The following PPP2R2C variants were observed in gnomAD, a reference collection of about 807,000 sequenced individuals.
PPP2R2C encodes the protein protein phosphatase 2 regulatory subunit Bgamma, also known as protein phosphatase 2, regulatory subunit B, gamma.
A neutral mutation model predicts 45.3 loss-of-function variants in PPP2R2C; 10 were observed. That is an observed-to-expected ratio of 0.22 (90% confidence interval 0.14 to 0.37). The LOEUF is 0.37. Ranked by LOEUF, PPP2R2C falls within the 10% of genes least tolerant of loss-of-function variation. The pLI, the probability that PPP2R2C is intolerant of heterozygous loss-of-function variation, is 1.00. For synonymous variants in PPP2R2C, 257 were observed against 245.4 expected (o/e 1.05, Z -0.44); for missense variants, 308 against 619.7 (o/e 0.50, Z 5.34).
Position 6,351,398 on chromosome 4 carries a change from A to G in PPP2R2C, c.626-3388T>C, listed in dbSNP as rs1712539138. 4.1e-6 allele frequency: 4 copies of G among 983,624 alleles called. No individual in the cohort carries two copies. The South Asian group carries it at 1.9e-4, about 46-fold the overall frequency. The allele number at this position is 983,624 out of a possible 1,614,324, so 60.9% of individuals were successfully genotyped here. A position where few individuals can be genotyped will look rare whatever the true frequency, so the allele number is the denominator to read the frequency against. The stretch of plus-strand genomic sequence containing the variant: ...TGTAGCCCTGTGGCAAACACACCCG[A>G]GCCACGGCAACCCAGGGCCGGCTGA... On this transcript the variant is annotated intron_variant, in intron 5 of 8. Coordinates refer to ENST00000382599, the MANE Select transcript of PPP2R2C (RefSeq NM_020416.4).
intron 5 of PPP2R2C, chr4:6,350,956 G>C (rs1712494915): frequency 1.0e-6 from 1 of 985,258 alleles, no homozygotes; most frequent in South Asian, 4.7e-5. Context: ...GACAGGTTCA[G>C]TGTCCACCCA....
chr4:6,358,777 A>T (rs1173281125), intron 5 of PPP2R2C, among the ~76,000 whole-genome samples: 1 of 152,242 alleles, frequency 6.6e-6, no homozygotes, highest in Non-Finnish European at 1.5e-5. Flanking sequence ...GAGAAATGCA[A>T]ATCAAAACCA....
At chr4:6,468,691 G>C (rs553560773) in intron 1 of PPP2R2C, among the ~76,000 whole-genome samples, 1 of 152,296 alleles carries the variant, frequency 6.6e-6, no homozygotes, top group African/African-American at 2.4e-5. Context: ...GCCCAGGGCA[G>C]GATGTGCTTG....
chr4:6,439,999 G>A (rs762947302), intron 1 of PPP2R2C, among the ~76,000 whole-genome samples: 4 of 152,156 alleles, frequency 2.6e-5, no homozygotes, highest in Non-Finnish European at 4.4e-5. Flanking sequence ...TCAAGGAACA[G>A]CTCCCCTGGG....
intron 5 of PPP2R2C, among the ~76,000 whole-genome samples, chr4:6,355,891 G>A (rs1409865635): frequency 6.6e-6 from 1 of 151,452 alleles, no homozygotes; most frequent in African/African-American, 2.4e-5. Context: ...CTACTCAGGA[G>A]GCTGAGGCAG....
chr4:6,549,255 G>A (rs951212873), intron 1 of PPP2R2C, among the ~76,000 whole-genome samples: 3 of 152,068 alleles, frequency 2.0e-5, no homozygotes, highest in Non-Finnish European at 4.4e-5. Context: ...GGACCACGTC[G>A]TTTTTCCACC....
chr4:6,511,849 G>A (rs796301090), intron 2 of PPP2R2C, among the ~76,000 whole-genome samples: 12 of 60,268 alleles, frequency 2.0e-4, no homozygotes, highest in African/African-American at 5.2e-4. Flanking sequence ...GGTGGTGGTG[G>A]TGGTGGTGGT....
At chr4:6,405,505 G>A (rs976864675) in intron 1 of PPP2R2C, among the ~76,000 whole-genome samples, 4 of 152,194 alleles carry the variant, frequency 2.6e-5, no homozygotes, top group South Asian at 2.1e-4. Context: ...GGAGGATTCC[G>A]AATTTAATTA....
intron 6 of PPP2R2C, among the ~76,000 whole-genome samples, chr4:6,342,957 G>A (rs1733568891): frequency 6.6e-6 from 1 of 152,224 alleles, no homozygotes; most frequent in African/African-American, 2.4e-5. Flanking sequence ...GTCTGATTCT[G>A]TTAGGAAAAT....
intron 1 of PPP2R2C, among the ~76,000 whole-genome samples, chr4:6,449,417 A>G (rs1720618262): frequency 6.6e-6 from 1 of 152,172 alleles, no homozygotes; most frequent in Non-Finnish European, 1.5e-5. Flanking sequence ...TGTTTACCCT[A>G]TGAATGCATG....
intron 2 of PPP2R2C, among the ~76,000 whole-genome samples, chr4:6,517,819 G>A (rs1723871290): frequency 6.6e-6 from 1 of 152,176 alleles, no homozygotes. Context: ...TCCAATACCA[G>A]TTCCCCTACC....
intron 8 of PPP2R2C, among the ~76,000 whole-genome samples, chr4:6,326,256 A>G (rs1333462818): frequency 6.6e-6 from 1 of 152,154 alleles, no homozygotes; most frequent in Non-Finnish European, 1.5e-5. Context: ...AGTGTGTAAG[A>G]AGAAGCAGGG....
chr4:6,378,319 G>A lies in PPP2R2C; in HGVS notation c.334+88C>T, dbSNP rs954346137. The stretch of plus-strand genomic sequence containing the variant: ...AGGCGTTCTGAAGACATAGAAAAAT[G>A]CTCACAATATAAGTGAAATACAAAC... On this transcript the variant is annotated intron_variant, in intron 3 of 8. Coordinates refer to ENST00000382599, the MANE Select transcript of PPP2R2C (RefSeq NM_020416.4). The surrounding 1 kb of genome is among the most constrained non-coding windows in gnomAD (Gnocchi z 5.2). 8 of 1,583,080 alleles carry A rather than the reference G, an allele frequency of 5.1e-6. No individual in the cohort carries two copies. The highest frequency in any genetic ancestry group is 1.8e-5 in the Admixed American group (1 of 55,596).
intron 1 of PPP2R2C, chr4:6,381,443 T>A (rs1294187991): frequency 1.4e-6 from 2 of 1,383,478 alleles, no homozygotes; most frequent in Non-Finnish European, 1.9e-6. Context: ...CTGTCTTGAA[T>A]CTCCCACACC....
rs772189427 is a variant in PPP2R2C, at chr4:6,321,383, A to G, written c.*1919T>C. Reference sequence around the variant, plus strand: ...TTACAAGGGGGAAAAAAGTAATCCAATCCTTTGATTGTTAAATTTAATTAG... The same window carrying G: ...TTACAAGGGGGAAAAAAGTAATCCAGTCCTTTGATTGTTAAATTTAATTAG... On this transcript the variant is annotated 3_prime_UTR_variant, in exon 9 of 9. Transcript: ENST00000382599. 1 of 152,540 alleles carries G rather than the reference A, an allele frequency of 6.6e-6. No homozygotes were observed. The highest frequency in any genetic ancestry group is 1.5e-5 in the Non-Finnish European group (1 of 68,036). 9.4% of individuals were successfully genotyped at this position (152,540 alleles called of 1,614,324 possible).
At chr4:6,396,005 A>G (rs1560513220) in intron 1 of PPP2R2C, among the ~76,000 whole-genome samples, 1 of 152,140 alleles carries the variant, frequency 6.6e-6, no homozygotes, top group Non-Finnish European at 1.5e-5. Context: ...TCCTGGTTAC[A>G]CGCCGGCCAC....
chr4:6,536,599 G>A (rs1162378575), intron 1 of PPP2R2C, among the ~76,000 whole-genome samples: 1 of 152,248 alleles, frequency 6.6e-6, no homozygotes, highest in Non-Finnish European at 1.5e-5. Context: ...CCCCGCAGGA[G>A]TGTTATCAGT....
At chr4:6,517,722 C>T (rs980520363) in intron 2 of PPP2R2C, among the ~76,000 whole-genome samples, 4 of 152,162 alleles carry the variant, frequency 2.6e-5, no homozygotes, top group Admixed American at 6.5e-5. Flanking sequence ...TTCAACAGTC[C>T]ATCATGCTGA....
chr4:6,414,717 T>C (rs2109377574), intron 1 of PPP2R2C, among the ~76,000 whole-genome samples: 1 of 152,070 alleles, frequency 6.6e-6, no homozygotes, highest in South Asian at 2.1e-4. Flanking sequence ...CACGAGGCCC[T>C]GGGCTGGATG....
Sources: gnomAD v4.1 joint callset for allele counts (sites outside exome capture counted in the v4.1 genomes callset) on GRCh38, gnomAD v4.1.1 for gene constraint, Gnocchi (gnomAD v3.1) non-coding constraint, MANE v1.5 for transcripts, NCBI Gene and HGNC (gene_info 2026-07-23, HGNC 2026-07-21) for gene names.